The following ZBBX variants were observed in gnomAD, a reference collection of about 807,000 sequenced individuals.
ZBBX encodes zinc finger B-box domain-containing protein 1.
A neutral mutation model predicts 108.5 loss-of-function variants in ZBBX; 101 were observed. The observed-to-expected ratio is 0.93, with a 90% CI of 0.79 to 1.10. ZBBX has a LOEUF of 1.10. Among genes scored for constraint, ZBBX ranks in the 50% least tolerant of loss-of-function variants. ZBBX has a pLI of 0.00. For synonymous variants in ZBBX, 356 were observed against 323.4 expected, an observed-to-expected ratio of 1.10 and a Z score of -1.08; for missense variants, 1,009 against 941.4, an observed-to-expected ratio of 1.07 and a Z score of -0.94.
At chr3:167,282,772 A>G (rs1729040196) in intron 19 of ZBBX, among the ~76,000 whole-genome samples, 1 of 152,200 alleles carries the variant, frequency 6.6e-6, no homozygotes, top group African/African-American at 2.4e-5. Flanking sequence ...AAAGGAAAAT[A>G]TCTATAAACT....
rs182556121 is a variant in ZBBX at position 167,250,774 on chromosome 3, G to C, written c.2255-8131C>G. On this transcript the variant is annotated intron_variant, in intron 20 of 21. Coordinates refer to ENST00000675490, the MANE Select transcript of ZBBX (RefSeq NM_001199201.2). ...ATGATACCGGAGGGGTCGAGGAAGT[G>C]CTGAGTAGAGAAAGGCAGGTCCCTG... Among the ~76,000 whole-genome samples the C allele has an allele frequency of 2.2e-3, 330 of 152,232 alleles. 1 individual carries two copies. Among genetic ancestry groups the C allele is most frequent in the Non-Finnish European group, 3.8e-3 (259 of 68,012 alleles).
At chr3:167,237,448 C>A (rs908552654), downstream of ZBBX, among the ~76,000 whole-genome samples, 1 of 151,794 alleles carries the variant, frequency 6.6e-6, no homozygotes, top group Non-Finnish European at 1.5e-5. Flanking sequence ...TAAAGGCGCA[C>A]TGTACTGACT....
chr3:167,398,734 G>A (rs1281273340), intron 1 of ZBBX, among the ~76,000 whole-genome samples: 2 of 152,058 alleles, frequency 1.3e-5, no homozygotes, highest in African/African-American at 4.8e-5. Flanking sequence ...TTGTTCTTAA[G>A]TAGTCAGGGC....
At chr3:167,387,627 C>A (rs1186899237) in intron 1 of ZBBX, among the ~76,000 whole-genome samples, 1 of 151,882 alleles carries the variant, frequency 6.6e-6, no homozygotes, top group African/African-American at 2.4e-5. Flanking sequence ...ACAAGGGACT[C>A]AAGAGACGTG....
chr3:167,261,912 T>C (rs1168826114), intron 20 of ZBBX, among the ~76,000 whole-genome samples: 5 of 152,052 alleles, frequency 3.3e-5, no homozygotes, highest in African/African-American at 1.2e-4. Flanking sequence ...GGTTACAAAG[T>C]TCAGCTAGAG....
intron 1 of ZBBX, among the ~76,000 whole-genome samples, chr3:167,405,992 G>T (rs1308169364): frequency 7.0e-6 from 1 of 142,466 alleles, no homozygotes; most frequent in Non-Finnish European, 1.5e-5. Flanking sequence ...CTTGAACCCG[G>T]GGGGCAGAGG....
the ZBBX span, among the ~76,000 whole-genome samples, chr3:167,191,746 G>A: frequency 6.6e-6 from 1 of 151,702 alleles, no homozygotes; most frequent in Non-Finnish European, 1.5e-5. Context: ...GACTAATACA[G>A]AAGTATTAGT....
intron 16 of ZBBX, 98 bp from the exon 17 acceptor site, chr3:167,306,048 C>T: frequency 1.0e-6 from 1 of 958,458 alleles, no homozygotes; most frequent in Non-Finnish European, 1.5e-6. Flanking sequence ...AAAACTTTCT[C>T]AATAAACACT....
chr3:167,367,826 A>C (rs1745553351), intron 5 of ZBBX, among the ~76,000 whole-genome samples: 1 of 151,042 alleles, frequency 6.6e-6, no homozygotes, highest in Non-Finnish European at 1.5e-5. Context: ...ATTTTATAAC[A>C]AAACAACAAA....
At chr3:167,224,993 T>C in the ZBBX span, among the ~76,000 whole-genome samples, 1 of 151,948 alleles carries the variant, frequency 6.6e-6, no homozygotes, top group Admixed American at 6.6e-5. Flanking sequence ...ACAATGTTTC[T>C]TGTTGCAGGA....
chr3:167,349,025 G>T (rs1217097948), intron 9 of ZBBX, among the ~76,000 whole-genome samples: 4 of 151,974 alleles, frequency 2.6e-5, no homozygotes, highest in Non-Finnish European at 5.9e-5. Context: ...AAATTATGTG[G>T]GAGGGAGAGG....
chr3:167,366,025 C>T, intron 5 of ZBBX, 49 bp from the exon 6 acceptor site: 10 of 1,382,472 alleles, frequency 7.2e-6, no homozygotes, highest in Non-Finnish European at 9.0e-6. Flanking sequence ...ACACATTTCT[C>T]CCTTTAATGA....
At position 167,350,432 on chromosome 3, in the gene ZBBX, T is replaced by G; in HGVS notation, c.516A>C (p.Thr172=). The G allele has an allele frequency of 6.3e-7, 1 of 1,591,210 alleles. No individual in the cohort carries two copies. The highest frequency in any genetic ancestry group is 8.6e-7 in the Non-Finnish European group (1 of 1,166,266). Reference sequence around the variant, plus strand: ...TAGAAAGCCATACCTGCAAAAGAGTTGTTCTGTGGAGCTTTAGTGCCCCTT... The same window carrying G: ...TAGAAAGCCATACCTGCAAAAGAGTGGTTCTGTGGAGCTTTAGTGCCCCTT... ...HQKGALKLHR[T]TLLQAKSQIL... The change falls in exon 9 of 22, where the codon ACA becomes ACC. Residue 172 remains threonine (T), a synonymous_variant. Coordinates refer to ENST00000675490, the MANE Select transcript of ZBBX (RefSeq NM_001199201.2).
At chr3:167,230,473 T>C in the ZBBX span, among the ~76,000 whole-genome samples, 4 of 151,534 alleles carry the variant, frequency 2.6e-5, no homozygotes, top group Admixed American at 2.6e-4. Flanking sequence ...GAAGAGAGAG[T>C]GAAACAGTGA....
At chr3:167,279,110 A>G (rs1490440499) in intron 20 of ZBBX, among the ~76,000 whole-genome samples, 1 of 151,208 alleles carries the variant, frequency 6.6e-6, no homozygotes, top group South Asian at 2.1e-4. Flanking sequence ...TCAAAATAAT[A>G]AGAGCTATCT....
chr3:167,358,031 A>C (rs13090406), intron 8 of ZBBX, among the ~76,000 whole-genome samples: 26 of 151,892 alleles, frequency 1.7e-4, no homozygotes, highest in African/African-American at 5.8e-4. Context: ...TGTTGTTGAG[A>C]GGGGAGGGAT....
intron 20 of ZBBX, among the ~76,000 whole-genome samples, chr3:167,261,997 G>T (rs752582989): frequency 6.6e-6 from 1 of 152,154 alleles, no homozygotes; most frequent in Non-Finnish European, 1.5e-5. Context: ...GGCCTGGTAG[G>T]TGACCCAACA....
chr3:167,367,373 G>A (rs1275282061), intron 5 of ZBBX, among the ~76,000 whole-genome samples: 2 of 151,748 alleles, frequency 1.3e-5, no homozygotes. Context: ...CATGTTCATG[G>A]CAGCATTTAT....
rs369025177 is a variant in ZBBX at position 167,393,169 on chromosome 3, C to G, written c.-445-12764G>C. On this transcript the variant is annotated intron_variant, in intron 1 of 21. Transcript: ENST00000455345. The stretch of plus-strand genomic sequence containing the variant: ...GGATTACATTTTTCAGCCTCCCTTG[C>G]AGCAAAGTCTAGCTATATGAATAAA... Among the ~76,000 whole-genome samples, 149 of 151,896 alleles carry G rather than the reference C, an allele frequency of 9.8e-4. 1 individual carries two copies. Among genetic ancestry groups the G allele is most frequent in the African/African-American group, 3.1e-3 (127 of 41,512 alleles).
Sources: allele counts gnomAD v4.1 joint callset (sites outside exome capture counted in the v4.1 genomes callset), GRCh38; gene constraint gnomAD v4.1.1; transcripts MANE v1.5; gene names NCBI Gene and HGNC (gene_info 2026-07-23, HGNC 2026-07-21).